PIK3R3: variants seen among roughly 807,000 people sequenced by gnomAD.
PIK3R3 encodes the protein phosphatidylinositol 3-kinase regulatory subunit gamma.
Under a neutral mutation model 62.9 loss-of-function variants are expected in PIK3R3, and 64 were observed. That is an observed-to-expected ratio of 1.02 (90% CI 0.83 to 1.25). PIK3R3 has a LOEUF of 1.25. PIK3R3 is among the 50% of genes most tolerant of loss of function. The pLI is 0.00. For synonymous variants in PIK3R3, 165 were observed against 189.0 expected, an observed-to-expected ratio of 0.87 and a Z score of 1.04; for missense variants, 614 against 561.6, an observed-to-expected ratio of 1.09 and a Z score of -0.94.
intron 1 of PIK3R3, among the ~76,000 whole-genome samples, chr1:46,085,812 G>A (rs1282665792): frequency 1.3e-5 from 2 of 152,192 alleles, no homozygotes; most frequent in East Asian, 1.9e-4. Context: ...CTTCTGAAAT[G>A]AGTATCCATA....
intron 1 of PIK3R3, among the ~76,000 whole-genome samples, chr1:46,122,893 A>AT (rs1006807700): frequency 6.6e-6 from 1 of 152,112 alleles, no homozygotes; most frequent in African/African-American, 2.4e-5. Flanking sequence ...TGGGCCTAAA[A>AT]TTTAACAAAA....
intron 1 of PIK3R3, among the ~76,000 whole-genome samples, chr1:46,130,773 G>A (rs1266948247): frequency 6.6e-6 from 1 of 152,088 alleles, no homozygotes; most frequent in Non-Finnish European, 1.5e-5. Context: ...AATACATAAA[G>A]AATTCATCCT....
At chr1:46,071,713 AT>A (rs1180310410) in intron 3 of PIK3R3, among the ~76,000 whole-genome samples, 9 of 35,592 alleles carry the variant, frequency 2.5e-4, no homozygotes, top group African/African-American at 6.1e-4. Flanking sequence ...AAAAAAAAAA[AT>A]ATATATATAT....
At chr1:46,117,921 T>G (rs540894474) in intron 1 of PIK3R3, among the ~76,000 whole-genome samples, 1 of 152,096 alleles carries the variant, frequency 6.6e-6, no homozygotes, top group African/African-American at 2.4e-5. Context: ...TAAATTTGTT[T>G]TAATTAGCCA....
the PIK3R3 span, among the ~76,000 whole-genome samples, chr1:46,143,124 C>A: frequency 6.6e-6 from 1 of 152,190 alleles, no homozygotes; most frequent in African/African-American, 2.4e-5. Context: ...TACAGCCTTT[C>A]TTGTGGAGAA....
At chr1:46,125,546 A>C (rs1337540522) in intron 1 of PIK3R3, among the ~76,000 whole-genome samples, 1 of 152,140 alleles carries the variant, frequency 6.6e-6, no homozygotes, top group Non-Finnish European at 1.5e-5. Flanking sequence ...ATTTTCCCCA[A>C]CCATAGGGCC....
the PIK3R3 span, among the ~76,000 whole-genome samples, chr1:46,166,800 C>T: frequency 3.3e-5 from 5 of 152,216 alleles, no homozygotes; most frequent in Non-Finnish European, 7.3e-5. Flanking sequence ...AGCCGCTTTC[C>T]GGATAGGGGA....
intron 1 of PIK3R3, among the ~76,000 whole-genome samples, chr1:46,092,252 G>A (rs931712912): frequency 2.6e-5 from 4 of 152,188 alleles, no homozygotes; most frequent in Admixed American, 2.0e-4. Flanking sequence ...TCCAGAATGA[G>A]ACCTGGGCAA....
intron 2 of PIK3R3, among the ~76,000 whole-genome samples, 177 bp from the exon 3 acceptor site, chr1:46,077,790 T>C (rs1205078207): frequency 2.0e-5 from 3 of 152,248 alleles, no homozygotes; most frequent in Non-Finnish European, 4.4e-5. Flanking sequence ...AAATATGCTC[T>C]TTCTGTTTTG....
upstream of PIK3R3, among the ~76,000 whole-genome samples, chr1:46,135,923 G>A (rs533978840): frequency 4.0e-5 from 6 of 151,754 alleles, no homozygotes; most frequent in Admixed American, 6.6e-5. Flanking sequence ...CCAGCTACTC[G>A]GGAGGCTGAG....
At chr1:46,090,179 A>T (rs1233215318) in intron 1 of PIK3R3, among the ~76,000 whole-genome samples, 2 of 152,170 alleles carry the variant, frequency 1.3e-5, no homozygotes, top group Admixed American at 1.3e-4. Flanking sequence ...CACCACTTAA[A>T]CTAGATTTGG....
At chr1:46,144,110 G>C in the PIK3R3 span, among the ~76,000 whole-genome samples, 3 of 152,170 alleles carry the variant, frequency 2.0e-5, no homozygotes, top group Non-Finnish European at 4.4e-5. Flanking sequence ...TAAATATTTG[G>C]AAATAGTACC....
At chr1:46,102,483 C>G (rs1472673157) in intron 1 of PIK3R3, among the ~76,000 whole-genome samples, 1 of 151,940 alleles carries the variant, frequency 6.6e-6, no homozygotes, top group Admixed American at 6.6e-5. Context: ...TAGAATAACC[C>G]ATTAAATACT....
At chr1:46,078,390 A>T (rs1194088858) in intron 2 of PIK3R3, among the ~76,000 whole-genome samples, 1 of 152,158 alleles carries the variant, frequency 6.6e-6, no homozygotes, top group African/African-American at 2.4e-5. Context: ...ATACAAAATT[A>T]GCCGGACGTG....
At chr1:46,104,925 C>CAA (rs757829828) in intron 1 of PIK3R3, 4,376 of 193,802 alleles carry the variant, frequency 0.023, 2 homozygotes, top group South Asian at 0.029. Flanking sequence ...AAGACTCCAT[C>CAA]AAAAAAAAAA....
At chr1:46,070,014 G>T (rs1156312862) in intron 3 of PIK3R3, among the ~76,000 whole-genome samples, 1 of 152,154 alleles carries the variant, frequency 6.6e-6, no homozygotes, top group Non-Finnish European at 1.5e-5. Flanking sequence ...ATGGATTCAA[G>T]AAAATGAAAG....
At chr1:46,062,803 G>GGTTTCA in intron 5 of PIK3R3, among the ~76,000 whole-genome samples, 1 of 152,148 alleles carries the variant, frequency 6.6e-6, no homozygotes, top group South Asian at 2.1e-4. Flanking sequence ...TTTCGGTTTC[G>GGTTTCA]GTTTCAGTTT....
chr1:46,067,253 C>CATATATATAT (rs71307629), intron 3 of PIK3R3, among the ~76,000 whole-genome samples, 162 bp from the exon 4 acceptor site: 14,305 of 129,864 alleles, frequency 0.11, 885 homozygotes, highest in East Asian at 0.18. Flanking sequence ...TGTGTGTGAA[C>CATATATATAT]ATATATATAT....
At chr1:46,150,206 G>A in the PIK3R3 span, among the ~76,000 whole-genome samples, 1 of 152,158 alleles carries the variant, frequency 6.6e-6, no homozygotes, top group Non-Finnish European at 1.5e-5. Context: ...CTCTTATGCA[G>A]TTGTAGGGAT....
Sources: gnomAD v4.1 joint callset for allele counts (sites outside exome capture counted in the v4.1 genomes callset) on GRCh38, gnomAD v4.1.1 for gene constraint, MANE v1.5 for transcripts, NCBI Gene and HGNC (gene_info 2026-07-23, HGNC 2026-07-21) for gene names.